WDR49: variants seen among roughly 807,000 people sequenced by gnomAD.
The protein encoded by WDR49 is cilia- and flagella-associated protein 337.
Under a neutral mutation model 119.5 loss-of-function variants are expected in WDR49, and 107 were observed. The observed-to-expected ratio is 0.90, with a 90% confidence interval of 0.77 to 1.05. WDR49 has a LOEUF of 1.05. Ranked by LOEUF, WDR49 falls within the 50% of genes least tolerant of loss-of-function variation. The pLI, the probability that WDR49 is intolerant of heterozygous loss-of-function variation, is 0.00. For missense variants in WDR49, 1,240 were observed against 1,220.5 expected (o/e 1.02, Z -0.24); for synonymous variants, 425 against 418.8 (o/e 1.01, Z -0.18).
chr3:167,540,238 GA>G (rs1262874640), intron 10 of WDR49, among the ~76,000 whole-genome samples: 1 of 152,146 alleles, frequency 6.6e-6, no homozygotes, highest in East Asian at 1.9e-4. Flanking sequence ...GAGCATTCAA[GA>G]AAGCCAGCAC....
At chr3:167,506,120 G>A (rs182398919) in intron 16 of WDR49, among the ~76,000 whole-genome samples, 3 of 152,220 alleles carry the variant, frequency 2.0e-5, no homozygotes, top group African/African-American at 4.8e-5. Flanking sequence ...TCTCAAAATC[G>A]TGGAGAGTCC....
chr3:167,528,609 C>T (rs1752725851), intron 14 of WDR49, among the ~76,000 whole-genome samples: 1 of 151,840 alleles, frequency 6.6e-6, no homozygotes, highest in South Asian at 2.1e-4. Context: ...GTCCTAGCTA[C>T]TCAGGAGGCT....
chr3:167,544,472 C>T (rs534367217), intron 10 of WDR49, among the ~76,000 whole-genome samples: 25 of 151,638 alleles, frequency 1.6e-4, no homozygotes, highest in African/African-American at 2.7e-4. Context: ...GGACATAGAC[C>T]GGTGGGACAT....
At chr3:167,576,224 G>C (rs1187366806) in intron 7 of WDR49, 73 bp from the exon 8 acceptor site, 9 of 1,326,428 alleles carry the variant, frequency 6.8e-6, no homozygotes, top group Non-Finnish European at 9.4e-6. Context: ...TTTTTTTCTA[G>C]CTCACCCTCA....
intron 5 of WDR49, among the ~76,000 whole-genome samples, chr3:167,618,552 T>A (rs892393466): frequency 2.2e-4 from 33 of 152,174 alleles, no homozygotes; most frequent in Admixed American, 1.8e-3. Flanking sequence ...GAGAAATATA[T>A]AATACGAATA....
At chr3:167,586,860 G>A (rs1018547279) in intron 7 of WDR49, among the ~76,000 whole-genome samples, 3 of 152,100 alleles carry the variant, frequency 2.0e-5, no homozygotes, top group African/African-American at 7.2e-5. Flanking sequence ...GATGATAGCT[G>A]TACATAATCA....
chr3:167,507,721 AT>A (rs1349091928), intron 16 of WDR49, among the ~76,000 whole-genome samples: 1 of 152,196 alleles, frequency 6.6e-6, no homozygotes, highest in Non-Finnish European at 1.5e-5. Context: ...AAAGCAAAAC[AT>A]TTTGCCCATT....
chr3:167,589,776 C>A (rs1020561461), intron 7 of WDR49, among the ~76,000 whole-genome samples: 4 of 151,934 alleles, frequency 2.6e-5, no homozygotes, highest in African/African-American at 9.7e-5. Context: ...GATTTTGTAT[C>A]CTGCTACTTT....
At chr3:167,650,253 A>G (rs758137134) in intron 2 of WDR49, among the ~76,000 whole-genome samples, 5 of 152,214 alleles carry the variant, frequency 3.3e-5, no homozygotes, top group African/African-American at 4.8e-5. Context: ...TGGCTTTTGG[A>G]GTTTCAAAGA....
intron 16 of WDR49, among the ~76,000 whole-genome samples, chr3:167,507,739 A>G (rs964892505): frequency 3.9e-5 from 6 of 152,192 alleles, no homozygotes; most frequent in Admixed American, 3.9e-4. Context: ...CATTTCCACT[A>G]AAGAGTTTTA....
intron 3 of WDR49, among the ~76,000 whole-genome samples, chr3:167,624,407 T>G (rs1663182130): frequency 1.3e-5 from 2 of 151,618 alleles, no homozygotes; most frequent in African/African-American, 4.8e-5. Context: ...TACAAAACTC[T>G]AGAAAATCCA....
At chr3:167,598,693 A>G (rs1715615178) in intron 7 of WDR49, among the ~76,000 whole-genome samples, 2 of 152,198 alleles carry the variant, frequency 1.3e-5, no homozygotes, top group South Asian at 4.1e-4. Flanking sequence ...ATCCAGTCTC[A>G]TAGTTCTTTG....
At chr3:167,580,526 A>G (rs1349867234) in intron 7 of WDR49, among the ~76,000 whole-genome samples, 1 of 152,170 alleles carries the variant, frequency 6.6e-6, no homozygotes, top group Non-Finnish European at 1.5e-5. Context: ...TTTGCATTAT[A>G]CCTAACTTCT....
intron 11 of WDR49, among the ~76,000 whole-genome samples, chr3:167,533,339 T>C (rs1752915805): frequency 6.6e-6 from 1 of 152,154 alleles, no homozygotes; most frequent in African/African-American, 2.4e-5. Flanking sequence ...GATGCTGCAA[T>C]TTTCTCATCT....
rs1307290066 is a variant in WDR49, at chr3:167,529,233, GCTC to G, written c.2222_2224del (p.Gly741del). ...AGATCCTCCACATGATACCAGGTTA[GCTC>G]CTCCTAACATGTAAGGGAAAAATCT... On this transcript the variant is annotated inframe_deletion, in exon 14 of 19. Transcript: ENST00000682715. 6.3e-7 allele frequency: 1 copy of G among 1,583,434 alleles called. No individual in the cohort carries two copies. The highest frequency in any genetic ancestry group is 1.4e-5 in the African/African-American group (1 of 73,360).
intron 10 of WDR49, among the ~76,000 whole-genome samples, chr3:167,553,385 C>T (rs962047107): frequency 1.3e-5 from 2 of 151,980 alleles, no homozygotes; most frequent in Admixed American, 1.3e-4. Flanking sequence ...ATAGATGTTC[C>T]TTTAAACCAC....
intron 8 of WDR49, among the ~76,000 whole-genome samples, chr3:167,569,132 T>C (rs961183562): frequency 6.6e-6 from 1 of 151,976 alleles, no homozygotes; most frequent in Non-Finnish European, 1.5e-5. Context: ...TTAGTAGAGA[T>C]GGGGTTTTAC....
At chr3:167,480,473 T>C (rs796300572) in intron 18 of WDR49, among the ~76,000 whole-genome samples, 7 of 152,222 alleles carry the variant, frequency 4.6e-5, no homozygotes, top group African/African-American at 1.7e-4. Context: ...ATATTTGGAT[T>C]AAACACAAAA....
At chr3:167,544,566 A>G (rs1334355924) in intron 10 of WDR49, among the ~76,000 whole-genome samples, 1 of 152,106 alleles carries the variant, frequency 6.6e-6, no homozygotes, top group Non-Finnish European at 1.5e-5. Context: ...CTAATCTTTG[A>G]CAAAGCAAAC....
Sources: gnomAD v4.1 joint callset for allele counts (sites outside exome capture counted in the v4.1 genomes callset) on GRCh38, gnomAD v4.1.1 for gene constraint, MANE v1.5 for transcripts, NCBI Gene and HGNC (gene_info 2026-07-23, HGNC 2026-07-21) for gene names.